Variants in NAF1 observed in about 807,000 individuals in gnomAD.
The protein encoded by NAF1 is H/ACA ribonucleoprotein complex non-core subunit NAF1.
NAF1 carries 11 observed loss-of-function variants against 40.6 expected under a neutral mutation model. The ratio of observed to expected loss-of-function variants is 0.27; its 90% confidence interval spans 0.17 to 0.45. The LOEUF (loss-of-function observed/expected upper bound fraction) is 0.45, where lower values mean the gene tolerates loss of function less well. NAF1 is among the 20% of genes least tolerant of loss of function. The pLI is 1.00. For synonymous variants in NAF1, 260 were observed against 228.5 expected, an observed-to-expected ratio of 1.14 and a Z score of -1.24; for missense variants, 607 against 611.1, an observed-to-expected ratio of 0.99 and a Z score of 0.07.
chr4:163,132,418 A>T (rs1233131837), intron 7 of NAF1, among the ~76,000 whole-genome samples: 1 of 152,236 alleles, frequency 6.6e-6, no homozygotes, highest in African/African-American at 2.4e-5. Context: ...TACATGCAAT[A>T]ATGTGGGTGG....
At chr4:163,158,344 GA>G (rs1411425014) in intron 2 of NAF1, 1 of 151,922 alleles carries the variant, frequency 6.6e-6, no homozygotes, top group Non-Finnish European at 1.5e-5. Flanking sequence ...AAACATATTG[GA>G]AAAAGAATGG....
chr4:163,114,693 T>C (rs1332558097), intron 2 of NAF1, among the ~76,000 whole-genome samples: 1 of 152,198 alleles, frequency 6.6e-6, no homozygotes, highest in Non-Finnish European at 1.5e-5. Flanking sequence ...TTCTTTATAA[T>C]GTCCTTGTCA....
chr4:163,166,836 G>GATAC lies in NAF1; in HGVS notation c.-110_-109insGTAT. ...TTAGGCAACCGCAGCAACACTGCCT[G>GATAC]GGCCCAACTTCCCGCGTTTCTCAGG... On this transcript the variant is annotated 5_prime_UTR_variant, in exon 1 of 8. Coordinates refer to ENST00000274054, the MANE Select transcript of NAF1 (RefSeq NM_138386.3). 1.4e-6 allele frequency: 2 copies of GATAC among 1,423,714 alleles called. No individual in the cohort carries two copies. Among genetic ancestry groups the GATAC allele is most frequent in the Admixed American group, 5.2e-5 (2 of 38,372 alleles). The allele number at this position is 1,423,714 out of a possible 1,614,324, so 88.2% of individuals were successfully genotyped here.
chr4:163,148,248 A>C, intron 3 of NAF1, 93 bp downstream of exon 3: 1 of 673,792 alleles, frequency 1.5e-6, no homozygotes. Flanking sequence ...TTAATTACGT[A>C]TGTCAAAGAA....
intron 2 of NAF1, among the ~76,000 whole-genome samples, chr4:163,115,747 A>G (rs952819793): frequency 3.3e-5 from 5 of 152,220 alleles, no homozygotes; most frequent in Admixed American, 3.3e-4. Context: ...CAAACAGAAA[A>G]GAAGTCAAGT....
At chr4:163,105,835 A>C (rs150429985), downstream of NAF1, among the ~76,000 whole-genome samples, 641 of 152,294 alleles carry the variant, frequency 4.2e-3, 4 homozygotes, top group Admixed American at 7.2e-3. Flanking sequence ...GTGTTCAATA[A>C]TTGTCTGCTA....
At chr4:163,147,642 T>G (rs1195142327) in intron 3 of NAF1, among the ~76,000 whole-genome samples, 1 of 152,184 alleles carries the variant, frequency 6.6e-6, no homozygotes, top group African/African-American at 2.4e-5. Flanking sequence ...CCCCAAGAGA[T>G]ATCCACACTC....
intron 3 of NAF1, 74 bp from the exon 4 acceptor site, chr4:163,145,938 A>C: frequency 1.3e-6 from 1 of 798,518 alleles, no homozygotes; most frequent in East Asian, 2.9e-5. Context: ...TCTAAGCTTT[A>C]ATTCCAACAT....
At chr4:163,148,059 C>T (rs111654824) in intron 3 of NAF1, among the ~76,000 whole-genome samples, 28 of 151,964 alleles carry the variant, frequency 1.8e-4, no homozygotes, top group African/African-American at 6.5e-4. Context: ...ACTAAGTTTG[C>T]AGTAATTTGG....
intron 2 of NAF1, 46 bp downstream of exon 2, chr4:163,164,171 A>C: frequency 1.4e-6 from 2 of 1,445,218 alleles, no homozygotes; most frequent in Non-Finnish European, 9.1e-7. Context: ...GTACCAGAAT[A>C]CGTTTTAAAA....
chr4:163,131,236 T>C (rs1560786011), intron 7 of NAF1, among the ~76,000 whole-genome samples: 1 of 152,128 alleles, frequency 6.6e-6, no homozygotes, highest in Non-Finnish European at 1.5e-5. Flanking sequence ...ATGAAAGAAA[T>C]AATCAATATG....
intron 2 of NAF1, among the ~76,000 whole-genome samples, chr4:163,116,367 G>C (rs1730338591): frequency 6.6e-6 from 1 of 152,036 alleles, no homozygotes; most frequent in Non-Finnish European, 1.5e-5. Flanking sequence ...AGTTAACCTT[G>C]AATTATTTTT....
At chr4:163,118,259 C>T (rs1730410885) in intron 2 of NAF1, among the ~76,000 whole-genome samples, 1 of 152,204 alleles carries the variant, frequency 6.6e-6, no homozygotes, top group Non-Finnish European at 1.5e-5. Context: ...GTTTCAGTTA[C>T]TGTCTCTCAA....
intron 4 of NAF1, chr4:163,141,900 T>C (rs1206397846): frequency 9.4e-6 from 9 of 962,202 alleles, no homozygotes; most frequent in Non-Finnish European, 1.1e-5. Flanking sequence ...GAATCTTTCA[T>C]TAATTTTCAT....
chr4:163,131,804 G>A (rs1028416515), intron 7 of NAF1, among the ~76,000 whole-genome samples: 3 of 152,106 alleles, frequency 2.0e-5, no homozygotes, highest in Non-Finnish European at 4.4e-5. Context: ...AATCATGAAC[G>A]AACCAAATAT....
intron 7 of NAF1, among the ~76,000 whole-genome samples, chr4:163,130,320 A>G (rs1298288445): frequency 1.3e-5 from 2 of 152,228 alleles, no homozygotes; most frequent in Non-Finnish European, 2.9e-5. Flanking sequence ...AGTCATAAAA[A>G]TGCTTCAACA....
At chr4:163,153,987 C>G (rs1244345190) in intron 2 of NAF1, among the ~76,000 whole-genome samples, 1 of 151,994 alleles carries the variant, frequency 6.6e-6, no homozygotes, top group African/African-American at 2.4e-5. Flanking sequence ...GAACAAACAA[C>G]TCCAGACATG....
At chr4:163,163,521 T>C (rs903192914) in intron 2 of NAF1, among the ~76,000 whole-genome samples, 5 of 152,146 alleles carry the variant, frequency 3.3e-5, no homozygotes, top group East Asian at 1.9e-4. Flanking sequence ...TAATATGGCC[T>C]ACATTCTGAA....
At position 163,129,066 on chromosome 4, in the gene NAF1, G is replaced by A. The variant is rs762471745; in HGVS notation, c.1316C>T (p.Pro439Leu). ...TACAGGTGGGGGTGGTGGTGGGGGTGGAGGGCGGAGGGGAAAATTATGCAT... is the reference window on the plus strand; with the variant it reads ...TACAGGTGGGGGTGGTGGTGGGGGTAGAGGGCGGAGGGGAAAATTATGCAT... ...FDMHNFPLRPPPPPPPPPVNM... is the reference protein window; with the variant it reads ...FDMHNFPLRPLPPPPPPPVNM... The change falls in exon 8 of 8, where the codon CCA (proline) becomes CTA (leucine). Residue 439 changes from proline to leucine, a missense_variant. This residue lies in a region of NAF1 where 189 missense variants were observed against 216.6 expected (regional missense o/e 0.87). Coordinates refer to ENST00000274054, the MANE Select transcript of NAF1 (RefSeq NM_138386.3). 1 of 1,499,282 alleles carries A rather than the reference G, an allele frequency of 6.7e-7. No individual in the cohort carries two copies. Among genetic ancestry groups the A allele is most frequent in the Admixed American group, 2.0e-5 (1 of 51,084 alleles). The allele number at this position is 1,499,282 out of a possible 1,614,324, so 92.9% of individuals were successfully genotyped here.
Sources: allele counts gnomAD v4.1 joint callset (sites outside exome capture counted in the v4.1 genomes callset), GRCh38; gene constraint gnomAD v4.1.1; regional missense constraint gnomAD v4.1.1; transcripts MANE v1.5; gene names NCBI Gene and HGNC (gene_info 2026-07-23, HGNC 2026-07-21).